BTBD8: variants seen among roughly 807,000 people sequenced by gnomAD.
The protein encoded by BTBD8 is BTB domain containing 8, also known as BTB/POZ domain-containing protein 8.
BTBD8 carries 110 observed loss-of-function variants against 162.9 expected under a neutral mutation model. That is an observed-to-expected ratio of 0.68 (90% CI 0.58 to 0.79). The LOEUF (loss-of-function observed/expected upper bound fraction) is 0.79, where lower values mean the gene tolerates loss of function less well. Among genes scored for constraint, BTBD8 ranks in the 30% least tolerant of loss-of-function variants. The probability of loss-of-function intolerance (pLI) is 0.00; values close to 1 mark genes in which losing one functional copy is unlikely to be tolerated. For missense variants in BTBD8, 1,905 were observed against 2,085.4 expected, an observed-to-expected ratio of 0.91 and a Z score of 1.68; for synonymous variants, 667 against 716.1, an observed-to-expected ratio of 0.93 and a Z score of 1.10.
intron 7 of BTBD8, among the ~76,000 whole-genome samples, chr1:92,143,614 G>A (rs1013834467): frequency 1.3e-5 from 2 of 151,968 alleles, no homozygotes; most frequent in African/African-American, 2.4e-5. Context: ...AGGTTCAAGC[G>A]ATTTTCTTGC....
intron 2 of BTBD8, among the ~76,000 whole-genome samples, chr1:92,096,867 A>G (rs1383012841): frequency 6.6e-6 from 1 of 152,106 alleles, no homozygotes; most frequent in Non-Finnish European, 1.5e-5. Context: ...GTCCTATTTG[A>G]GTTCCCACTT....
At chr1:92,139,713 C>A in intron 6 of BTBD8, 1 of 412,814 alleles carries the variant, frequency 2.4e-6, no homozygotes. Flanking sequence ...ATTGATTAAA[C>A]TTTTATCAAA....
intron 9 of BTBD8, among the ~76,000 whole-genome samples, chr1:92,166,244 AG>A (rs1650382365): frequency 6.6e-6 from 1 of 152,132 alleles, no homozygotes. Flanking sequence ...ATTTGCATAA[AG>A]AAACATATTT....
Position 92,167,953 on chromosome 1 carries a change from A to G in BTBD8, c.1411A>G (p.Thr471Ala), listed in dbSNP as rs1249563180. 6.5e-7 allele frequency: 1 copy of G among 1,548,122 alleles called. No individual in the cohort carries two copies. Among genetic ancestry groups the G allele is most frequent in the Non-Finnish European group, 8.7e-7 (1 of 1,144,932 alleles). The change falls in exon 11 of 18, where the codon ACA becomes GCA. Residue 471 changes from threonine (T) to alanine (A), a missense_variant. This residue lies in a region of BTBD8 where 1,374 missense variants were observed against 1,442.7 expected (regional missense o/e 0.95). Coordinates refer to ENST00000636805, the MANE Select transcript of BTBD8 (RefSeq NM_001376131.1). ...NSCSLLMALD[T>A]LLNSDSTKEM... ...CTGCTCTCTTCTTATGGCTCTGGAC[A>G]CACTGCTGAACTCTGACAGTACAAA...
intron 4 of BTBD8, chr1:92,126,039 A>G (rs1399289802): frequency 6.2e-6 from 3 of 483,174 alleles, no homozygotes; most frequent in Non-Finnish European, 1.2e-5. Context: ...TATGGGAAGC[A>G]CACTGAGAAT....
rs145309139 is a variant in BTBD8 at position 92,105,662 on chromosome 1, G to T, written c.545-2222G>T. Among the ~76,000 whole-genome samples, 269 of 152,348 alleles carry T rather than the reference G, an allele frequency of 1.8e-3. 3 individuals carry two copies. The highest frequency in any genetic ancestry group is 5.9e-3 in the African/African-American group (244 of 41,570). ...GCTACTGGCCAAAGTTTGTTGACAG[G>T]CAAGGTTACGATAAACAGTTGTTAA... On this transcript the variant is annotated intron_variant, in intron 3 of 17. Coordinates refer to ENST00000636805, the MANE Select transcript of BTBD8 (RefSeq NM_001376131.1).
intron 9 of BTBD8, among the ~76,000 whole-genome samples, chr1:92,166,598 T>C (rs778972546): frequency 6.6e-6 from 1 of 151,842 alleles, no homozygotes; most frequent in African/African-American, 2.4e-5. Context: ...CTAATTTTTG[T>C]ATTTTTAGTA....
At chr1:92,171,888 C>A (rs558528346) in intron 13 of BTBD8, among the ~76,000 whole-genome samples, 1 of 152,164 alleles carries the variant, frequency 6.6e-6, no homozygotes, top group South Asian at 2.1e-4. Flanking sequence ...GTCAGGAGTT[C>A]GAGAGCAGCC....
intron 16 of BTBD8, among the ~76,000 whole-genome samples, chr1:92,178,964 G>T (rs1650803251): frequency 1.3e-5 from 2 of 152,200 alleles, no homozygotes; most frequent in East Asian, 3.9e-4. Context: ...TAATAGTGCA[G>T]GCTAGGCGCG....
In BTBD8 at chr1:92,181,618, T is replaced by C. The variant is rs1361463276; in HGVS notation, c.3935T>C (p.Ile1312Thr). 5 of 1,550,780 alleles carry C rather than the reference T, an allele frequency of 3.2e-6. No homozygotes were observed. The African/African-American group carries it at 4.1e-5, about 13-fold the overall frequency. The change falls in exon 17 of 18, where the codon ATT becomes ACT. Residue 1312 changes from isoleucine (I) to threonine (T), a missense_variant. Physicochemically the swap from Ile to Thr is moderately conservative, Grantham distance 89 (BLOSUM62 -1). Around this residue, in one of 3 missense-constraint regions of BTBD8, gnomAD observed 517 missense variants for 606.6 expected, o/e 0.85. Transcript: ENST00000636805. ...SDTSTPEELK[I>T]YDSNLRIEVK... ...ACCAGTACTCCTGAAGAATTAAAAA[T>C]TTATGATAGTAATTTAAGAATTGAA... is the stretch of plus-strand genomic sequence containing the variant.
chr1:92,114,527 A>T (rs1648984762), intron 4 of BTBD8, among the ~76,000 whole-genome samples: 1 of 152,010 alleles, frequency 6.6e-6, no homozygotes, highest in Non-Finnish European at 1.5e-5. Flanking sequence ...AATTTTTTTT[A>T]TCTGTTCAAA....
chr1:92,088,922 T>C, intron 2 of BTBD8, 27 bp downstream of exon 2: 1 of 1,535,180 alleles, frequency 6.5e-7, no homozygotes, highest in Non-Finnish European at 8.9e-7. Flanking sequence ...TCCATGTAAG[T>C]CTAATATGTA....
chr1:92,111,730 C>G (rs577956907), intron 4 of BTBD8, among the ~76,000 whole-genome samples: 7 of 152,292 alleles, frequency 4.6e-5, no homozygotes, highest in African/African-American at 1.7e-4. Flanking sequence ...AGCATAGTAC[C>G]TGGCACATTG....
chr1:92,087,949 T>C, intron 1 of BTBD8, among the ~76,000 whole-genome samples: 1 of 151,568 alleles, frequency 6.6e-6, no homozygotes, highest in Middle Eastern at 3.2e-3. Flanking sequence ...GGCAAAAGAT[T>C]ATATTATGAC....
chr1:92,154,894 G>C (rs551148102), intron 9 of BTBD8, among the ~76,000 whole-genome samples: 3 of 152,170 alleles, frequency 2.0e-5, no homozygotes, highest in Non-Finnish European at 4.4e-5. Flanking sequence ...TAGAGTTTCA[G>C]GTCTTAGGTA....
chr1:92,082,488 A>G (rs1648044196), intron 1 of BTBD8, among the ~76,000 whole-genome samples: 1 of 152,182 alleles, frequency 6.6e-6, no homozygotes, highest in African/African-American at 2.4e-5. Context: ...AAGACTTTAT[A>G]GGGTGACATT....
intron 6 of BTBD8, chr1:92,139,932 C>CAAAAAAAAAAAAAAAA (rs748883480): frequency 6.0e-4 from 11 of 18,218 alleles, no homozygotes; most frequent in South Asian, 5.1e-3. Context: ...ACTAAAAATA[C>CAAAAAAAAAAAAAAAA]AAAAAAAAAA....
intron 2 of BTBD8, among the ~76,000 whole-genome samples, chr1:92,092,863 G>A (rs901518417): frequency 3.9e-5 from 6 of 152,154 alleles, no homozygotes; most frequent in African/African-American, 1.4e-4. Context: ...TGCTAACATG[G>A]TTTTTGCCTA....
chr1:92,150,401 A>G (rs1570746290), intron 9 of BTBD8, among the ~76,000 whole-genome samples: 1 of 152,194 alleles, frequency 6.6e-6, no homozygotes, highest in Admixed American at 6.5e-5. Flanking sequence ...ATCAAGGAAT[A>G]AATGTTTGCA....
Sources: allele counts gnomAD v4.1 joint callset (sites outside exome capture counted in the v4.1 genomes callset), GRCh38; gene constraint gnomAD v4.1.1; regional missense constraint gnomAD v4.1.1; transcripts MANE v1.5; gene names NCBI Gene and HGNC (gene_info 2026-07-23, HGNC 2026-07-21).